CHSY1: variants seen among roughly 807,000 people sequenced by gnomAD.
CHSY1 encodes N-acetylgalactosaminyl-proteoglycan 3-beta-glucuronosyltransferase 1.
CHSY1 carries 13 observed loss-of-function variants against 59.8 expected under a neutral mutation model. That is an observed-to-expected ratio of 0.22 (90% CI 0.14 to 0.35). The LOEUF (loss-of-function observed/expected upper bound fraction) is 0.35. Among genes scored for constraint, CHSY1 ranks in the 10% least tolerant of loss-of-function variants. The probability of loss-of-function intolerance (pLI) is 1.00; values close to 1 mark genes in which losing one functional copy is unlikely to be tolerated. For synonymous variants in CHSY1, 459 were observed against 401.2 expected (o/e 1.14, Z -1.72); for missense variants, 947 against 1,030.6 (o/e 0.92, Z 1.11).
At chr15:101,233,881 C>G (rs147590950) in intron 2 of CHSY1, among the ~76,000 whole-genome samples, 229 of 152,280 alleles carry the variant, frequency 1.5e-3, no homozygotes, top group Middle Eastern at 0.01. Flanking sequence ...CACTCAAGTA[C>G]GTGCTTTAGA....
At chr15:101,196,707 C>T (rs1343966041) in intron 2 of CHSY1, among the ~76,000 whole-genome samples, 1 of 152,148 alleles carries the variant, frequency 6.6e-6, no homozygotes, top group Non-Finnish European at 1.5e-5. Flanking sequence ...TGTAAATGCC[C>T]TGGCTTCAAA....
At chr15:101,242,978 C>A (rs1327137523) in intron 1 of CHSY1, among the ~76,000 whole-genome samples, 2 of 152,114 alleles carry the variant, frequency 1.3e-5, no homozygotes, top group Non-Finnish European at 2.9e-5. Flanking sequence ...AAAAGAAAAA[C>A]CAAATTATAC....
At chr15:101,181,902 C>A (rs187479078) in intron 2 of CHSY1, among the ~76,000 whole-genome samples, 1 of 152,274 alleles carries the variant, frequency 6.6e-6, no homozygotes, top group East Asian at 1.9e-4. Context: ...CAATAACAAT[C>A]AATAACACAT....
intron 2 of CHSY1, among the ~76,000 whole-genome samples, chr15:101,209,804 A>C (rs1012204563): frequency 1.3e-5 from 2 of 152,236 alleles, no homozygotes; most frequent in African/African-American, 4.8e-5. Context: ...TCAGTTTCTT[A>C]GTGTGGAAGA....
chr15:101,238,947 G>T (rs551943153), intron 1 of CHSY1, among the ~76,000 whole-genome samples: 12 of 152,322 alleles, frequency 7.9e-5, no homozygotes, highest in Admixed American at 2.6e-4. Context: ...GACAATGTGT[G>T]AATGTGTGAC....
chr15:101,201,381 C>G (rs1011982522), intron 2 of CHSY1, among the ~76,000 whole-genome samples: 1 of 152,220 alleles, frequency 6.6e-6, no homozygotes, highest in Non-Finnish European at 1.5e-5. Flanking sequence ...GAGGAACCAC[C>G]AAACGTCCTA....
chr15:101,218,849 G>T (rs1446442058), intron 2 of CHSY1, among the ~76,000 whole-genome samples: 2 of 152,154 alleles, frequency 1.3e-5, no homozygotes, highest in African/African-American at 2.4e-5. Flanking sequence ...ATGAAGAAAT[G>T]TAAGAACCAG....
intron 2 of CHSY1, among the ~76,000 whole-genome samples, chr15:101,222,792 G>A (rs963907705): frequency 1.3e-5 from 2 of 152,144 alleles, no homozygotes; most frequent in African/African-American, 4.8e-5. Context: ...CATGGTGGGG[G>A]GGGTACCTGA....
chr15:101,205,957 A>C (rs2038622662), intron 2 of CHSY1, among the ~76,000 whole-genome samples: 1 of 152,186 alleles, frequency 6.6e-6, no homozygotes, highest in Admixed American at 6.5e-5. Context: ...GTCTCAAAAA[A>C]AAAAAAAGAA....
intron 2 of CHSY1, among the ~76,000 whole-genome samples, chr15:101,228,216 G>A (rs2038859705): frequency 6.6e-6 from 1 of 152,044 alleles, no homozygotes; most frequent in Non-Finnish European, 1.5e-5. Flanking sequence ...ATTATCTAGT[G>A]TGAGAAAGAG....
chr15:101,232,026 T>C (rs2038897832), intron 2 of CHSY1, among the ~76,000 whole-genome samples: 1 of 152,218 alleles, frequency 6.6e-6, no homozygotes. Flanking sequence ...TTCTCAAGGC[T>C]ATTTTTTAAT....
intron 2 of CHSY1, among the ~76,000 whole-genome samples, chr15:101,191,172 A>G (rs1490999934): frequency 6.6e-6 from 1 of 152,232 alleles, no homozygotes; most frequent in Non-Finnish European, 1.5e-5. Flanking sequence ...CAACCAAGAT[A>G]TCCTTCAGTT....
intron 2 of CHSY1, chr15:101,189,456 G>A (rs1191999529): frequency 4.6e-5 from 45 of 985,546 alleles, no homozygotes; most frequent in Non-Finnish European, 5.3e-5. Context: ...AGCCAGAAGG[G>A]ATGGAGCTCG....
At chr15:101,192,457 C>T (rs140676721) in intron 2 of CHSY1, among the ~76,000 whole-genome samples, 1 of 152,120 alleles carries the variant, frequency 6.6e-6, no homozygotes, top group Non-Finnish European at 1.5e-5. Context: ...TCCCAGACAG[C>T]CAGGCAGGGG....
intron 2 of CHSY1, among the ~76,000 whole-genome samples, chr15:101,201,236 G>A (rs548346787): frequency 6.6e-6 from 1 of 152,298 alleles, no homozygotes; most frequent in African/African-American, 2.4e-5. Context: ...ATCTGAGATT[G>A]TAATGCATGT....
intron 2 of CHSY1, among the ~76,000 whole-genome samples, chr15:101,198,080 C>A (rs1022146815): frequency 2.6e-5 from 4 of 152,072 alleles, no homozygotes; most frequent in African/African-American, 9.7e-5. Flanking sequence ...GGCTATCGGG[C>A]CTTCTGTCCA....
chr15:101,230,455 G>A (rs1232032794), intron 2 of CHSY1, among the ~76,000 whole-genome samples: 2 of 151,986 alleles, frequency 1.3e-5, no homozygotes, highest in Non-Finnish European at 2.9e-5. Flanking sequence ...ATGAGGTGAT[G>A]GACATGTCAA....
chr15:101,244,553 T>C (rs1238825366), intron 1 of CHSY1, among the ~76,000 whole-genome samples: 1 of 152,184 alleles, frequency 6.6e-6, no homozygotes, highest in Admixed American at 6.5e-5. Context: ...AAATAACTGC[T>C]TACTGTAGAA....
intron 1 of CHSY1, 97 bp downstream of exon 1, chr15:101,251,040 T>C (rs2039103748): frequency 4.2e-6 from 5 of 1,200,374 alleles, no homozygotes; most frequent in Non-Finnish European, 5.8e-6. Context: ...AAGAAGGGCC[T>C]AGGAAGCGGG....
Sources: gnomAD v4.1 joint callset for allele counts (sites outside exome capture counted in the v4.1 genomes callset) on GRCh38, gnomAD v4.1.1 for gene constraint, MANE v1.5 for transcripts, NCBI Gene and HGNC (gene_info 2026-07-23, HGNC 2026-07-21) for gene names.